Variants in PPP1R3A observed in about 807,000 individuals in gnomAD.
PPP1R3A encodes the protein protein phosphatase 1 regulatory subunit 3A.
PPP1R3A carries 29 observed loss-of-function variants against 41.7 expected under a neutral mutation model. That is an observed-to-expected ratio of 0.70 (90% CI 0.52 to 0.95). The LOEUF is 0.95. PPP1R3A is among the 40% of genes least tolerant of loss of function. The pLI, the probability that PPP1R3A is intolerant of heterozygous loss-of-function variation, is 0.00. For synonymous variants in PPP1R3A, 485 were observed against 453.4 expected, an observed-to-expected ratio of 1.07 and a Z score of -0.89; for missense variants, 1,352 against 1,292.4, an observed-to-expected ratio of 1.05 and a Z score of -0.71.
Position 113,877,944 on chromosome 7 carries a change from C to A in PPP1R3A, c.3148G>T (p.Ala1050Ser), listed in dbSNP as rs147957263. 73 of 1,613,292 alleles carry A rather than the reference C, an allele frequency of 4.5e-5. No individual in the cohort carries two copies. In the African/African-American group the frequency reaches 9.1e-4, roughly 20 times the overall value. Residue 1050 changes from alanine (A) to serine (S), a missense_variant, in exon 4 of 4, where the codon GCT becomes TCT. Ala to Ser is a moderately conservative substitution (Grantham distance 99). Coordinates refer to ENST00000284601, the MANE Select transcript of PPP1R3A (RefSeq NM_002711.4). ...TCCTCAACAGGAAGACTAGTAGAAG[C>A]AGAGCTGTCAGATTCCTTTTCACCT... ...TSGEKESDSS[A>S]STSLPVEESQ...
intron 1 of PPP1R3A, among the ~76,000 whole-genome samples, chr7:113,887,590 G>A (rs949425491): frequency 6.6e-6 from 1 of 152,128 alleles, no homozygotes; most frequent in African/African-American, 2.4e-5. Flanking sequence ...GAAGTTATCA[G>A]GAGACTGTTG....
intron 1 of PPP1R3A, among the ~76,000 whole-genome samples, chr7:113,910,881 T>C (rs1248031744): frequency 6.6e-6 from 1 of 152,176 alleles, no homozygotes; most frequent in African/African-American, 2.4e-5. Context: ...GCATTTTCAC[T>C]ATTCAGTATA....
intron 1 of PPP1R3A, among the ~76,000 whole-genome samples, chr7:113,910,159 A>G (rs1279260729): frequency 6.6e-6 from 1 of 152,036 alleles, no homozygotes; most frequent in Non-Finnish European, 1.5e-5. Context: ...ACCCACCCCC[A>G]TGATTCAATT....
intron 1 of PPP1R3A, among the ~76,000 whole-genome samples, chr7:113,908,280 G>C (rs1268674968): frequency 6.6e-6 from 1 of 151,860 alleles, no homozygotes; most frequent in African/African-American, 2.4e-5. Flanking sequence ...TCATTATATG[G>C]ATTACACACA....
rs1054751667 is a variant in PPP1R3A at position 113,913,914 on chromosome 7, G to A, written c.782+4301C>T. 3.3e-5 allele frequency among the ~76,000 whole-genome samples: 5 copies of A among 151,852 alleles called. 1 individual carries two copies. The East Asian group carries it at 7.7e-4, about 24-fold the overall frequency. On this transcript the variant is annotated intron_variant, in intron 1 of 3. Coordinates refer to ENST00000284601, the MANE Select transcript of PPP1R3A (RefSeq NM_002711.4). ...TGCTTTTCAAGGCCTTTTCCCTTGG[G>A]GCCTCTTCTTGTCTTCACAGGCGCC...
chr7:113,902,548 A>G (rs911804220), intron 1 of PPP1R3A, among the ~76,000 whole-genome samples: 1 of 151,382 alleles, frequency 6.6e-6, no homozygotes, highest in Non-Finnish European at 1.5e-5. Flanking sequence ...ACCTTCACTC[A>G]CTCTGCTTTA....
chr7:113,882,294 TC>T lies in PPP1R3A; in HGVS notation c.808del (p.Glu270LysfsTer35). On this transcript the variant is annotated frameshift_variant, in exon 2 of 4. Coordinates refer to ENST00000284601, the MANE Select transcript of PPP1R3A (RefSeq NM_002711.4). LOFTEE classifies it high-confidence loss of function. The stretch of plus-strand genomic sequence containing the variant: ...CTTTGGATTCTCAAAGTTATTTTCT[TC>T]TGATGTTACTGATGATTCTTCTTTA... The part of the protein sequence containing the change: ...SSKEESSVTS[E>X]ENNFENPKNT... 6.8e-7 allele frequency: 1 copy of T among 1,479,678 alleles called. No individual in the cohort carries two copies. The highest frequency in any genetic ancestry group is 9.4e-7 in the Non-Finnish European group (1 of 1,060,272). The allele number at this position is 1,479,678 out of a possible 1,614,324, so 91.7% of individuals were successfully genotyped here.
chr7:113,909,749 A>T (rs914316819), intron 1 of PPP1R3A, among the ~76,000 whole-genome samples: 6 of 152,098 alleles, frequency 3.9e-5, no homozygotes, highest in Non-Finnish European at 8.8e-5. Flanking sequence ...ATTTTGCTTG[A>T]TTTTAATGTA....
intron 1 of PPP1R3A, among the ~76,000 whole-genome samples, chr7:113,907,875 T>C (rs1797171862): frequency 1.3e-5 from 2 of 151,852 alleles, no homozygotes; most frequent in Non-Finnish European, 2.9e-5. Flanking sequence ...CAAAAATATC[T>C]GGTAAGTCTT....
intron 1 of PPP1R3A, among the ~76,000 whole-genome samples, chr7:113,893,833 A>G (rs2129116962): frequency 6.6e-6 from 1 of 152,202 alleles, no homozygotes; most frequent in Non-Finnish European, 1.5e-5. Flanking sequence ...AACAAGAGGT[A>G]CTTTGCCTTA....
Position 113,879,114 on chromosome 7 carries a change from C to T in PPP1R3A, c.1978G>A (p.Glu660Lys). Residue 660 changes from glutamate to lysine, a missense_variant, in exon 4 of 4, where the codon GAA (glutamate) becomes AAA (lysine). Transcript: ENST00000284601. ...PQHKQSWNVL[E>K]SQGKSRENKT... ...TTCTCTCTTGATTTTCCCTGACTTT[C>T]CAGAACATTCCAACTTTGTTTATGC... is the stretch of plus-strand genomic sequence containing the variant. 1 of 1,613,734 alleles carries T rather than the reference C, an allele frequency of 6.2e-7. No individual in the cohort carries two copies. The highest frequency in any genetic ancestry group is 8.5e-7 in the Non-Finnish European group (1 of 1,179,808).
intron 1 of PPP1R3A, among the ~76,000 whole-genome samples, chr7:113,911,969 A>G (rs1562926625): frequency 6.6e-6 from 1 of 152,074 alleles, no homozygotes; most frequent in Non-Finnish European, 1.5e-5. Context: ...CCTCATAGCA[A>G]CTCTGCCAAG....
intron 1 of PPP1R3A, among the ~76,000 whole-genome samples, chr7:113,883,806 T>C (rs1234833725): frequency 1.3e-5 from 2 of 151,992 alleles, no homozygotes; most frequent in Admixed American, 1.3e-4. Context: ...TAGTCAAAGA[T>C]TTTTGTTCTT....
At chr7:113,888,827 C>T (rs891499498) in intron 1 of PPP1R3A, among the ~76,000 whole-genome samples, 24 of 152,168 alleles carry the variant, frequency 1.6e-4, no homozygotes, top group South Asian at 2.1e-4. Flanking sequence ...TTCTTACCAA[C>T]CTTTAGAAGG....
In PPP1R3A at chr7:113,877,723, T is replaced by C. The variant is rs1796591642; in HGVS notation, c.3369A>G (p.Ter1123=). The change falls in exon 4 of 4, where the codon TAA becomes TAG. Residue 1123 remains the stop codon, a stop_retained_variant. Transcript: ENST00000284601. The part of the protein sequence containing the change: ...GRQKESVKKK[*] Reference sequence around the variant, plus strand: ...TTAAGAGAGAATAGTAGTGCTGAGGTTACTTCTTTTTGACAGACTCTTTTT... The same window carrying C: ...TTAAGAGAGAATAGTAGTGCTGAGGCTACTTCTTTTTGACAGACTCTTTTT... 1 of 1,542,416 alleles carries C rather than the reference T, an allele frequency of 6.5e-7. No individual in the cohort carries two copies. Among genetic ancestry groups the C allele is most frequent in the South Asian group, 1.3e-5 (1 of 76,912 alleles).
At position 113,882,103 on chromosome 7, in the gene PPP1R3A, T is replaced by C. The variant is rs143122275; in HGVS notation, c.902A>G (p.Asn301Ser). 1.5e-5 allele frequency: 24 copies of C among 1,611,962 alleles called. No homozygotes were observed. The African/African-American group carries it at 2.8e-4, about 19-fold the overall frequency. Residue 301 changes from asparagine (N) to serine (S), a missense_variant, in exon 3 of 4, where the codon AAT becomes AGT. Asn to Ser is a conservative substitution (Grantham distance 46). Transcript: ENST00000284601. Reference protein sequence around the residue: ...HEDKEDLEASNRNVKDVNREH... With the variant: ...HEDKEDLEASSRNVKDVNREH... ...CCTGTTTACATCTTTTACATTTCGATTACTGGCTTCCAAATCTTCCTTGTC... is the reference window on the plus strand; with the variant it reads ...CCTGTTTACATCTTTTACATTTCGACTACTGGCTTCCAAATCTTCCTTGTC...
At position 113,918,735 on chromosome 7, in the gene PPP1R3A, C is replaced by T. The variant is rs764488359; in HGVS notation, c.262G>A (p.Ala88Thr). The stretch of plus-strand genomic sequence containing the variant: ...GTCCCTAAGTCAAAAGTGGTTGAAG[C>T]ACTCGGTAATTCCCAGCAATCAAAT... ...KEFDCWELPS[A>T]STTFDLGTDI... Residue 88 changes from alanine (A) to threonine (T), a missense_variant, in exon 1 of 4, where the codon GCT becomes ACT. Physicochemically the swap from Ala to Thr is moderately conservative, Grantham distance 58. Transcript: ENST00000284601. The T allele has an allele frequency of 7.4e-6, 12 of 1,613,718 alleles. No homozygotes were observed. The highest frequency in any genetic ancestry group is 2.2e-5 in the East Asian group (1 of 44,864).
At chr7:113,896,140 T>G (rs1164434237) in intron 1 of PPP1R3A, among the ~76,000 whole-genome samples, 1 of 151,882 alleles carries the variant, frequency 6.6e-6, no homozygotes, top group Admixed American at 6.6e-5. Context: ...CGTGACTTCT[T>G]AATATGCAAA....
rs145614140 is a variant in PPP1R3A, at chr7:113,910,749, T to A, written c.782+7466A>T. Among the ~76,000 whole-genome samples the A allele has an allele frequency of 5.1e-3, 769 of 152,166 alleles. 6 individuals are homozygous for A. The highest frequency in any genetic ancestry group is 0.017 in the African/African-American group (719 of 41,560). On this transcript the variant is annotated intron_variant, in intron 1 of 3. Coordinates refer to ENST00000284601, the MANE Select transcript of PPP1R3A (RefSeq NM_002711.4). The stretch of plus-strand genomic sequence containing the variant: ...TTTAGAAATGAAAATCAGCTGGAGG[T>A]TATTCATACAGATTTATAGTCAATA...
Sources: gnomAD v4.1 joint callset for allele counts (sites outside exome capture counted in the v4.1 genomes callset) on GRCh38, gnomAD v4.1.1 for gene constraint, MANE v1.5 for transcripts, NCBI Gene and HGNC (gene_info 2026-07-23, HGNC 2026-07-21) for gene names.